ENOX1: variants seen among roughly 807,000 people sequenced by gnomAD.
ENOX1 encodes ecto-NOX disulfide-thiol exchanger 1.
A neutral mutation model predicts 82.5 loss-of-function variants in ENOX1; 42 were observed. The observed-to-expected ratio is 0.51, with a 90% CI of 0.40 to 0.66. The LOEUF (loss-of-function observed/expected upper bound fraction) is 0.66. Among genes scored for constraint, ENOX1 ranks in the 30% least tolerant of loss-of-function variants. The pLI is 0.00. For synonymous variants in ENOX1, 271 were observed against 282.2 expected (o/e 0.96, Z 0.40); for missense variants, 608 against 811.6 (o/e 0.75, Z 3.05).
intron 6 of ENOX1, among the ~76,000 whole-genome samples, chr13:43,360,543 C>G (rs1486751489): frequency 6.6e-6 from 1 of 152,088 alleles, no homozygotes; most frequent in East Asian, 1.9e-4. Context: ...AAAAAAACCA[C>G]TTTGTTATTA....
At chr13:43,243,728 G>C (rs1034557194) in intron 14 of ENOX1, among the ~76,000 whole-genome samples, 4 of 152,072 alleles carry the variant, frequency 2.6e-5, no homozygotes, top group African/African-American at 4.8e-5. Flanking sequence ...ATCTATCTCT[G>C]GTTAAAACTT....
At chr13:43,319,689 C>T (rs1191868129) in intron 11 of ENOX1, among the ~76,000 whole-genome samples, 1 of 152,162 alleles carries the variant, frequency 6.6e-6, no homozygotes, top group Non-Finnish European at 1.5e-5. Flanking sequence ...CTCCTCCCGG[C>T]ACAGGCAGGT....
intron 1 of ENOX1, among the ~76,000 whole-genome samples, chr13:43,700,403 A>T (rs1417791558): frequency 6.6e-6 from 1 of 152,160 alleles, no homozygotes; most frequent in Non-Finnish European, 1.5e-5. Flanking sequence ...CGCTTTATAC[A>T]TTATAGTTCA....
chr13:43,402,632 C>A (rs2053562539), intron 5 of ENOX1, among the ~76,000 whole-genome samples: 1 of 152,100 alleles, frequency 6.6e-6, no homozygotes. Flanking sequence ...AGGCAGGCTG[C>A]AGAATAATAA....
chr13:43,241,521 T>C (rs1184747892), intron 14 of ENOX1, among the ~76,000 whole-genome samples: 1 of 152,188 alleles, frequency 6.6e-6, no homozygotes, highest in Admixed American at 6.5e-5. Flanking sequence ...TGAGATCTAT[T>C]GGATTATGAA....
intron 2 of ENOX1, among the ~76,000 whole-genome samples, chr13:43,526,730 T>G (rs1215067897): frequency 6.6e-6 from 1 of 152,118 alleles, no homozygotes; most frequent in Non-Finnish European, 1.5e-5. Flanking sequence ...CTACTTTACT[T>G]TTTTCTTAAC....
chr13:43,712,439 T>C (rs1461154337), intron 1 of ENOX1, among the ~76,000 whole-genome samples: 1 of 152,148 alleles, frequency 6.6e-6, no homozygotes, highest in Non-Finnish European at 1.5e-5. Context: ...TTTAGTTTTT[T>C]CCAATTCTGT....
intron 16 of ENOX1, among the ~76,000 whole-genome samples, chr13:43,219,857 T>C (rs1427466199): frequency 3.3e-5 from 5 of 152,226 alleles, no homozygotes; most frequent in African/African-American, 9.6e-5. Context: ...GGGCTCCTGT[T>C]TGGGCTACTG....
intron 3 of ENOX1, among the ~76,000 whole-genome samples, chr13:43,435,779 G>A (rs567379763): frequency 1.3e-4 from 20 of 152,026 alleles, no homozygotes; most frequent in African/African-American, 4.8e-4. Flanking sequence ...ATACCTAAGA[G>A]GTCAATAACT....
chr13:43,611,522 T>C (rs187248980), intron 2 of ENOX1, among the ~76,000 whole-genome samples: 13 of 152,288 alleles, frequency 8.5e-5, no homozygotes, highest in African/African-American at 2.9e-4. Context: ...TCCACAATAC[T>C]CCCTGAAGTA....
chr13:43,784,750 C>T (rs1247882136), intron 1 of ENOX1, among the ~76,000 whole-genome samples: 1 of 152,194 alleles, frequency 6.6e-6, no homozygotes, highest in Non-Finnish European at 1.5e-5. Flanking sequence ...ACACAGTGTA[C>T]TCAATATAAA....
At position 43,215,709 on chromosome 13, in the gene ENOX1, G is replaced by A. The variant is rs186683412; in HGVS notation, c.1801-1588C>T. The stretch of plus-strand genomic sequence containing the variant: ...CACTTCCCATGATTGTCAACAGCCA[G>A]GGGTGAACAACCAGGGGTGCTGGGA... On this transcript the variant is annotated intron_variant, in intron 16 of 16. Coordinates refer to ENST00000690772, the MANE Select transcript of ENOX1 (RefSeq NM_001347969.2). Among the ~76,000 whole-genome samples, 34 of 152,204 alleles carry A rather than the reference G, an allele frequency of 2.2e-4. No homozygotes were observed. In the East Asian group the frequency reaches 6.4e-3, roughly 29 times the overall value.
chr13:43,490,371 G>A (rs943408257), intron 2 of ENOX1, among the ~76,000 whole-genome samples: 2 of 152,142 alleles, frequency 1.3e-5, no homozygotes, highest in African/African-American at 4.8e-5. Flanking sequence ...TGAGACTCTG[G>A]ATTTTAGACT....
At chr13:43,404,277 C>G (rs1195740318) in intron 5 of ENOX1, among the ~76,000 whole-genome samples, 1 of 152,174 alleles carries the variant, frequency 6.6e-6, no homozygotes, top group Non-Finnish European at 1.5e-5. Flanking sequence ...CCTATCCTAC[C>G]AGACTTGAGT....
chr13:43,742,032 A>G (rs1949767341), intron 1 of ENOX1, among the ~76,000 whole-genome samples: 1 of 152,190 alleles, frequency 6.6e-6, no homozygotes, highest in Admixed American at 6.5e-5. Flanking sequence ...CACTCTTATA[A>G]AACTAAATTA....
chr13:43,507,794 G>C (rs2077225187), intron 2 of ENOX1, among the ~76,000 whole-genome samples: 1 of 151,908 alleles, frequency 6.6e-6, no homozygotes. Context: ...ATTTCCTGAG[G>C]TGAAAGTACT....
At position 43,733,078 on chromosome 13, in the gene ENOX1, G is replaced by T. The variant is rs1209790344; in HGVS notation, c.-285+53574C>A. On this transcript the variant is annotated intron_variant, in intron 1 of 16. Coordinates refer to ENST00000690772, the MANE Select transcript of ENOX1 (RefSeq NM_001347969.2). ...AAACCTCCCTCCATACCTGGTGAAG[G>T]ATTAAACTCCCTTCATACATGAAGA... is the stretch of plus-strand genomic sequence containing the variant. 4.6e-5 allele frequency among the ~76,000 whole-genome samples: 7 copies of T among 152,092 alleles called. No individual in the cohort carries two copies. In the East Asian group the frequency reaches 1.3e-3, roughly 29 times the overall value.
chr13:43,370,236 G>A (rs900688772), intron 5 of ENOX1, among the ~76,000 whole-genome samples: 5 of 151,966 alleles, frequency 3.3e-5, no homozygotes, highest in South Asian at 2.1e-4. Context: ...GAGTGGTGGC[G>A]GGCACCTGTA....
chr13:43,513,177 T>C (rs950566274), intron 2 of ENOX1, among the ~76,000 whole-genome samples: 4 of 151,994 alleles, frequency 2.6e-5, no homozygotes, highest in East Asian at 1.9e-4. Flanking sequence ...GGTGTGCTGG[T>C]GCAAGTTTCT....
Sources: allele counts gnomAD v4.1 joint callset (sites outside exome capture counted in the v4.1 genomes callset), GRCh38; gene constraint gnomAD v4.1.1; transcripts MANE v1.5; gene names NCBI Gene and HGNC (gene_info 2026-07-23, HGNC 2026-07-21).